DCC: variants seen among roughly 807,000 people sequenced by gnomAD.
The protein encoded by DCC is netrin receptor DCC.
In DCC, 58 loss-of-function variants were observed where a neutral mutation model predicts 172.5. The observed-to-expected ratio is 0.34, with a 90% CI of 0.27 to 0.42. DCC has a LOEUF of 0.42. DCC is among the 10% of genes least tolerant of loss of function. The pLI, the probability that DCC is intolerant of heterozygous loss-of-function variation, is 1.00. For missense variants in DCC, 1,740 were observed against 1,791.0 expected, an observed-to-expected ratio of 0.97 and a Z score of 0.51; for synonymous variants, 709 against 644.5, an observed-to-expected ratio of 1.10 and a Z score of -1.52.
At chr18:53,111,456 AAGAG>A (rs946040073) in intron 7 of DCC, among the ~76,000 whole-genome samples, 2 of 148,432 alleles carry the variant, frequency 1.3e-5, no homozygotes, top group East Asian at 2.0e-4. Context: ...AAAAAAAAAA[AAGAG>A]AGACCACCAA....
intron 7 of DCC, among the ~76,000 whole-genome samples, chr18:53,073,164 A>G (rs2042678060): frequency 6.6e-6 from 1 of 152,202 alleles, no homozygotes; most frequent in African/African-American, 2.4e-5. Context: ...TTGAAAATAG[A>G]AAAAGAGATA....
At chr18:52,773,240 T>C (rs1431736) in intron 2 of DCC, among the ~76,000 whole-genome samples, 149,713 of 152,306 alleles carry the variant, frequency 0.98, 73,639 homozygotes, top group East Asian at 1. Context: ...TATCAAACTA[T>C]GATTCTGGCC....
chr18:52,520,190 G>A (rs1428372707), intron 1 of DCC, among the ~76,000 whole-genome samples: 1 of 152,146 alleles, frequency 6.6e-6, no homozygotes, highest in Non-Finnish European at 1.5e-5. Flanking sequence ...GCCCTCCACA[G>A]TGACAACTCC....
chr18:53,264,969 A>G (rs967617203), intron 12 of DCC, among the ~76,000 whole-genome samples: 7 of 152,276 alleles, frequency 4.6e-5, no homozygotes, highest in Non-Finnish European at 1.0e-4. Flanking sequence ...GAAACAGACT[A>G]TATTTTTATT....
At chr18:53,083,179 G>T (rs778923781) in intron 7 of DCC, among the ~76,000 whole-genome samples, 2 of 151,986 alleles carry the variant, frequency 1.3e-5, no homozygotes, top group African/African-American at 4.8e-5. Context: ...TTTGTTTTTC[G>T]ATTGTTCCAA....
chr18:52,819,390 C>T (rs2038363291), intron 2 of DCC, among the ~76,000 whole-genome samples: 1 of 152,040 alleles, frequency 6.6e-6, no homozygotes, highest in Non-Finnish European at 1.5e-5. Flanking sequence ...TCTACAACTT[C>T]CTGACTAGAT....
At position 52,925,131 on chromosome 18, in the gene DCC, A is replaced by G. The variant is rs915181005; in HGVS notation, c.849-103A>G. ...CCCTTATGATACACAGTTTCTTTCA[A>G]GTGTCTTAATTTGAGCTTTGGTGGA... is the stretch of plus-strand genomic sequence containing the variant. On this transcript the variant is annotated intron_variant, in intron 4 of 28. Transcript: ENST00000442544. The G allele has an allele frequency of 1.4e-5, 16 of 1,168,838 alleles. No individual in the cohort carries two copies. The Admixed American group carries it at 2.6e-4, about 19-fold the overall frequency. 72.4% of individuals were successfully genotyped at this position (1,168,838 alleles called of 1,614,324 possible).
At chr18:53,057,426 T>C (rs746124394) in intron 5 of DCC, among the ~76,000 whole-genome samples, 14 of 152,236 alleles carry the variant, frequency 9.2e-5, no homozygotes, top group Admixed American at 2.0e-4. Flanking sequence ...AATTATATTT[T>C]TTCTACATTT....
At chr18:52,943,112 T>C (rs888320360) in intron 5 of DCC, among the ~76,000 whole-genome samples, 1 of 152,204 alleles carries the variant, frequency 6.6e-6, no homozygotes, top group African/African-American at 2.4e-5. Flanking sequence ...TTTTACTATA[T>C]AGTTTTTGTT....
chr18:53,021,510 A>T (rs1304624536), intron 5 of DCC, among the ~76,000 whole-genome samples: 2 of 152,130 alleles, frequency 1.3e-5, no homozygotes, highest in African/African-American at 4.8e-5. Flanking sequence ...GCATCCTCTG[A>T]GAGGAAGTAC....
chr18:52,865,360 T>C (rs1306915946), intron 2 of DCC, among the ~76,000 whole-genome samples: 1 of 152,254 alleles, frequency 6.6e-6, no homozygotes, highest in East Asian at 1.9e-4. Flanking sequence ...TACCCAGTAA[T>C]AGGATTGCTG....
chr18:53,485,795 G>A (rs901078046), intron 25 of DCC, among the ~76,000 whole-genome samples: 2 of 151,994 alleles, frequency 1.3e-5, no homozygotes, highest in African/African-American at 4.8e-5. Context: ...AATATGCAGT[G>A]TAATTTGTAT....
intron 12 of DCC, among the ~76,000 whole-genome samples, chr18:53,300,319 G>A (rs1437714915): frequency 2.0e-5 from 3 of 152,138 alleles, no homozygotes; most frequent in Non-Finnish European, 2.9e-5. Context: ...TCCCAGCTGA[G>A]GTTGAAGAAA....
At chr18:52,510,504 C>CTT (rs55967229) in intron 1 of DCC, among the ~76,000 whole-genome samples, 3,086 of 152,258 alleles carry the variant, frequency 0.02, 106 homozygotes, top group East Asian at 0.096. Flanking sequence ...CCCCTTAGAG[C>CTT]TTGATACTTT....
chr18:52,719,453 T>A (rs1242050428), intron 1 of DCC, among the ~76,000 whole-genome samples: 1 of 152,118 alleles, frequency 6.6e-6, no homozygotes, highest in Non-Finnish European at 1.5e-5. Context: ...ACGGGGAGGT[T>A]ATCCACACGT....
At chr18:53,473,429 A>C (rs1370726145) in intron 25 of DCC, among the ~76,000 whole-genome samples, 1 of 152,208 alleles carries the variant, frequency 6.6e-6, no homozygotes, top group African/African-American at 2.4e-5. Flanking sequence ...ATGTTTGGAG[A>C]GCTCTTTTTT....
intron 5 of DCC, among the ~76,000 whole-genome samples, chr18:52,996,323 T>C (rs568714721): frequency 6.6e-6 from 1 of 152,172 alleles, no homozygotes; most frequent in Admixed American, 6.6e-5. Flanking sequence ...CTCACCATAA[T>C]TGCATGTCTG....
chr18:53,246,089 G>A (rs1280452370), intron 12 of DCC, among the ~76,000 whole-genome samples: 2 of 151,970 alleles, frequency 1.3e-5, no homozygotes, highest in Non-Finnish European at 2.9e-5. Context: ...TCATCATGAC[G>A]TTTACCCAGG....
chr18:53,498,600 T>G (rs2046056475), intron 26 of DCC, among the ~76,000 whole-genome samples: 1 of 150,508 alleles, frequency 6.6e-6, no homozygotes, highest in Non-Finnish European at 1.5e-5. Context: ...ATACAAAGCT[T>G]TTCAAATGCC....
Sources: allele counts gnomAD v4.1 joint callset (sites outside exome capture counted in the v4.1 genomes callset), GRCh38; gene constraint gnomAD v4.1.1; transcripts MANE v1.5; gene names NCBI Gene and HGNC (gene_info 2026-07-23, HGNC 2026-07-21).